BCAS3: variants seen among roughly 807,000 people sequenced by gnomAD.
The protein encoded by BCAS3 is BCAS4/BCAS3 fusion.
BCAS3 carries 53 observed loss-of-function variants against 116.1 expected under a neutral mutation model. The ratio of observed to expected loss-of-function variants is 0.46; its 90% CI spans 0.37 to 0.57. The LOEUF (loss-of-function observed/expected upper bound fraction) is 0.57, where lower values mean the gene tolerates loss of function less well. BCAS3 is among the 20% of genes least tolerant of loss of function. The pLI is 0.00. For missense variants in BCAS3, 917 were observed against 1,165.4 expected (o/e 0.79, Z 3.10); for synonymous variants, 391 against 408.2 (o/e 0.96, Z 0.51).
chr17:60,957,337 C>T (rs1247893074), intron 14 of BCAS3, among the ~76,000 whole-genome samples: 2 of 152,054 alleles, frequency 1.3e-5, no homozygotes, highest in Non-Finnish European at 2.9e-5. Flanking sequence ...ATTTGATGGT[C>T]ATTTTAGATA....
intron 23 of BCAS3, among the ~76,000 whole-genome samples, chr17:61,372,943 C>T (rs1379083082): frequency 6.6e-6 from 1 of 152,118 alleles, no homozygotes; most frequent in Non-Finnish European, 1.5e-5. Flanking sequence ...AAATAAACAC[C>T]TGTGTACATA....
chr17:60,678,999 G>A (rs1330116104), intron 1 of BCAS3, among the ~76,000 whole-genome samples: 1 of 152,168 alleles, frequency 6.6e-6, no homozygotes, highest in African/African-American at 2.4e-5. Flanking sequence ...TAAGGCGGAT[G>A]GATTGCTTGA....
chr17:61,002,023 TA>T (rs1278871686), intron 15 of BCAS3, among the ~76,000 whole-genome samples: 2 of 152,112 alleles, frequency 1.3e-5, no homozygotes, highest in Non-Finnish European at 2.9e-5. Context: ...AATAGGTTTT[TA>T]AAGAGAAGTT....
chr17:61,232,461 C>A (rs1174492082), intron 22 of BCAS3, among the ~76,000 whole-genome samples: 2 of 151,874 alleles, frequency 1.3e-5, no homozygotes, highest in Admixed American at 1.3e-4. Context: ...GGTTGTTTTT[C>A]TTTTGTATAC....
intron 5 of BCAS3, among the ~76,000 whole-genome samples, chr17:60,745,148 AGAGT>A (rs1405704934): frequency 6.6e-6 from 1 of 152,086 alleles, no homozygotes; most frequent in African/African-American, 2.4e-5. Flanking sequence ...ATAATAGTAC[AGAGT>A]GGTGGATTTT....
rs2079407272 is a variant in BCAS3 at position 61,180,361 on chromosome 17, A to C, written c.2425+95797A>C. Among the ~76,000 whole-genome samples, 1 of 152,388 alleles carries C rather than the reference A, an allele frequency of 6.6e-6. No homozygotes were observed. The highest frequency in any genetic ancestry group is 1.9e-4 in the East Asian group (1 of 5,190). On this transcript the variant is annotated intron_variant, in intron 22 of 23. Coordinates refer to ENST00000407086, the MANE Select transcript of BCAS3 (RefSeq NM_017679.5). The surrounding 1 kb of genome is among the most constrained non-coding windows in gnomAD (Gnocchi z 6.0). ...TGATTATGGCCACAGATAAGAGATT[A>C]AACTATTCAGCCAACAAGCTGTAAT...
At chr17:61,320,497 C>T (rs773013788) in intron 22 of BCAS3, among the ~76,000 whole-genome samples, 15 of 151,882 alleles carry the variant, frequency 9.9e-5, no homozygotes, top group Non-Finnish European at 1.9e-4. Flanking sequence ...CTAGCTAACA[C>T]GGTGAAACCC....
chr17:60,992,886 A>C (rs1392831529), intron 15 of BCAS3, among the ~76,000 whole-genome samples: 1 of 152,208 alleles, frequency 6.6e-6, no homozygotes, highest in African/African-American at 2.4e-5. Flanking sequence ...TTTTGTGTCA[A>C]ATGTTTTTCA....
Position 61,196,525 on chromosome 17 carries a change from TG to T in BCAS3, c.2425+111964del, listed in dbSNP as rs2080488650. Among the ~76,000 whole-genome samples, 2 of 152,178 alleles carry T rather than the reference TG, an allele frequency of 1.3e-5. No individual in the cohort carries two copies. Reference sequence around the variant, plus strand: ...AAACAAAAAACCCCAACCCAACAGCTGGGAAGGGTTGGAAGTAGCCCCAAGG... The same window carrying T: ...AAACAAAAAACCCCAACCCAACAGCTGGAAGGGTTGGAAGTAGCCCCAAGG... On this transcript the variant is annotated intron_variant, in intron 22 of 23. Coordinates refer to ENST00000407086, the MANE Select transcript of BCAS3 (RefSeq NM_017679.5). The surrounding 1 kb of genome is among the most constrained non-coding windows in gnomAD (Gnocchi z 4.7).
chr17:61,371,730 A>G (rs529214269), intron 23 of BCAS3, among the ~76,000 whole-genome samples: 1 of 152,184 alleles, frequency 6.6e-6, no homozygotes, highest in Non-Finnish European at 1.5e-5. Flanking sequence ...ATATTTTTTT[A>G]AAAGTGTGGT....
intron 19 of BCAS3, among the ~76,000 whole-genome samples, chr17:61,042,089 A>T (rs1050184596): frequency 6.6e-6 from 1 of 152,050 alleles, no homozygotes; most frequent in Non-Finnish European, 1.5e-5. Context: ...TTTCGGGTTG[A>T]TTCAAGAAGC....
chr17:61,328,719 T>A (rs1434869957), intron 22 of BCAS3, among the ~76,000 whole-genome samples: 2 of 152,008 alleles, frequency 1.3e-5, no homozygotes, highest in African/African-American at 4.8e-5. Context: ...TGAGCCCTGA[T>A]TGTGCTGCTG....
intron 6 of BCAS3, among the ~76,000 whole-genome samples, chr17:60,751,749 G>T (rs1002974151): frequency 1.3e-5 from 2 of 152,020 alleles, no homozygotes; most frequent in African/African-American, 4.8e-5. Context: ...CTCCATATTT[G>T]TCAGGCTGGT....
intron 22 of BCAS3, among the ~76,000 whole-genome samples, chr17:61,280,309 A>G (rs911460289): frequency 6.6e-6 from 1 of 152,238 alleles, no homozygotes; most frequent in African/African-American, 2.4e-5. Flanking sequence ...ACCACTTGCA[A>G]TTATCTTTGT....
At chr17:60,862,584 T>C (rs1369150912) in intron 7 of BCAS3, among the ~76,000 whole-genome samples, 3 of 152,222 alleles carry the variant, frequency 2.0e-5, no homozygotes, top group African/African-American at 7.2e-5. Flanking sequence ...TCCTATGTTT[T>C]CTAGTTTCTG....
intron 4 of BCAS3, among the ~76,000 whole-genome samples, chr17:60,692,398 T>C (rs2034955862): frequency 6.6e-6 from 1 of 151,976 alleles, no homozygotes; most frequent in Non-Finnish European, 1.5e-5. Flanking sequence ...CCCGCCACCA[T>C]GCCCGACTAA....
At position 61,026,827 on chromosome 17, in the gene BCAS3, C is replaced by T. The variant is rs2066279408; in HGVS notation, c.1638-7839C>T. ...ATTTGCTAATGTTAAATGAGTTTTT[C>T]TCTAATTTTTTGTGCATTTTTCCCC... On this transcript the variant is annotated intron_variant, in intron 16 of 23. Coordinates refer to ENST00000407086, the MANE Select transcript of BCAS3 (RefSeq NM_017679.5). The surrounding 1 kb of genome is among the most constrained non-coding windows in gnomAD (Gnocchi z 5.0). 1.3e-6 allele frequency: 2 copies of T among 1,558,976 alleles called. No homozygotes were observed. Among genetic ancestry groups the T allele is most frequent in the Non-Finnish European group, 1.7e-6 (2 of 1,144,840 alleles).
chr17:61,089,509 C>CTTTTTTTTTT lies in BCAS3; in HGVS notation c.2425+4974_2425+4983dup, dbSNP rs71370187. 1.4e-3 allele frequency among the ~76,000 whole-genome samples: 38 copies of CTTTTTTTTTT among 26,750 alleles called. 16 individuals carry two copies. The highest frequency in any genetic ancestry group is 6.8e-3 in the East Asian group (5 of 740). 17.5% of individuals were successfully genotyped at this position (26,750 alleles called of 152,430 possible). A position where few individuals can be genotyped will look rare whatever the true frequency, so the allele number is the denominator to read the frequency against. ...TTTTTCTTCGAGACGGAGTTTCACT[C>CTTTTTTTTTT]TTTTTTTTTTTTTTTTTTTTTTTTT... On this transcript the variant is annotated intron_variant, in intron 22 of 23. Coordinates refer to ENST00000407086, the MANE Select transcript of BCAS3 (RefSeq NM_017679.5).
intron 22 of BCAS3, among the ~76,000 whole-genome samples, chr17:61,172,749 G>A (rs1391593354): frequency 6.6e-6 from 1 of 151,572 alleles, no homozygotes; most frequent in African/African-American, 2.4e-5. Flanking sequence ...ACTTTGGGAG[G>A]CCAAGGCGGG....
Sources: gnomAD v4.1 joint callset for allele counts (sites outside exome capture counted in the v4.1 genomes callset) on GRCh38, gnomAD v4.1.1 for gene constraint, Gnocchi (gnomAD v3.1) non-coding constraint, MANE v1.5 for transcripts, NCBI Gene and HGNC (gene_info 2026-07-23, HGNC 2026-07-21) for gene names.